ZBTB46: variants seen among roughly 807,000 people sequenced by gnomAD.
The protein encoded by ZBTB46 is zinc finger and BTB domain-containing protein 46.
In ZBTB46, 8 loss-of-function variants were observed where a neutral mutation model predicts 44.1. The observed-to-expected ratio is 0.18, with a 90% confidence interval of 0.11 to 0.33. The LOEUF is 0.33. ZBTB46 is among the 10% of genes least tolerant of loss of function. The pLI, the probability that ZBTB46 is intolerant of heterozygous loss-of-function variation, is 1.00. For synonymous variants in ZBTB46, 409 were observed against 382.3 expected, an observed-to-expected ratio of 1.07 and a Z score of -0.81; for missense variants, 651 against 847.7, an observed-to-expected ratio of 0.77 and a Z score of 2.88.
intron 1 of ZBTB46, among the ~76,000 whole-genome samples, chr20:63,807,211 A>C (rs895057901): frequency 2.0e-5 from 3 of 152,214 alleles, no homozygotes; most frequent in African/African-American, 7.2e-5. Flanking sequence ...CTATTGATTC[A>C]ATTTCTTTAT....
Position 63,752,322 on chromosome 20 carries a change from C to T in ZBTB46, c.1398+364G>A, listed in dbSNP as rs2092175635. On this transcript the variant is annotated intron_variant, in intron 4 of 4. Transcript: ENST00000245663. This position sits in a 1 kb window ranked among gnomAD's most constrained non-coding sequence, Gnocchi z 5.6. ...GGCGCGGTGGGTGCAGACAGGTCGG[C>T]AGGCACAAGGACAGGGTTCTCCCTC... 6.6e-6 allele frequency among the ~76,000 whole-genome samples: 1 copy of T among 151,986 alleles called. No homozygotes were observed. Among genetic ancestry groups the T allele is most frequent in the African/African-American group, 2.4e-5 (1 of 41,348 alleles).
chr20:63,772,926 G>C (rs953658555), intron 3 of ZBTB46, among the ~76,000 whole-genome samples: 3 of 152,164 alleles, frequency 2.0e-5, no homozygotes, highest in African/African-American at 7.2e-5. Context: ...CACGTGCTCC[G>C]GGGCTCGCTT....
Position 63,803,270 on chromosome 20 carries a change from A to G in ZBTB46, c.-33-12480T>C. 1.0e-6 allele frequency: 1 copy of G among 979,370 alleles called. No homozygotes were observed. Among genetic ancestry groups the G allele is most frequent in the Non-Finnish European group, 1.2e-6 (1 of 824,430 alleles). 60.7% of individuals were successfully genotyped at this position (979,370 alleles called of 1,614,324 possible). On this transcript the variant is annotated intron_variant, in intron 1 of 4. Coordinates refer to ENST00000245663, the MANE Select transcript of ZBTB46 (RefSeq NM_001369741.1). The surrounding 1 kb of genome is among the most constrained non-coding windows in gnomAD (Gnocchi z 4.0). ...TTCATGGTTTACCTTCTTCTGAAAA[A>G]ATTAAGGTTAAGACATGAATACTGT...
rs2092068539 is a variant in ZBTB46, at chr20:63,744,423, C to G, written c.*2507G>C. ...CCCCCTCCCCGCCCCCAAATAACAC[C>G]ATCCCCAATGGACTGTATTTCCCAC... is the stretch of plus-strand genomic sequence containing the variant. On this transcript the variant is annotated 3_prime_UTR_variant, in exon 5 of 5. Coordinates refer to ENST00000245663, the MANE Select transcript of ZBTB46 (RefSeq NM_001369741.1). 6.6e-6 allele frequency: 1 copy of G among 152,270 alleles called. No homozygotes were observed. Among genetic ancestry groups the G allele is most frequent in the South Asian group, 2.1e-4 (1 of 4,820 alleles). 9.4% of individuals were successfully genotyped at this position (152,270 alleles called of 1,614,324 possible).
In ZBTB46 at chr20:63,743,679, A is replaced by AATT. The variant is rs1410318487; in HGVS notation, c.*3248_*3250dup. 6.6e-6 allele frequency: 1 copy of AATT among 152,394 alleles called. No individual in the cohort carries two copies. The highest frequency in any genetic ancestry group is 2.4e-5 in the African/African-American group (1 of 41,456). 9.4% of individuals were successfully genotyped at this position (152,394 alleles called of 1,614,324 possible). On this transcript the variant is annotated 3_prime_UTR_variant, in exon 5 of 5. Transcript: ENST00000245663. ...CGCAGGAGGCATCTGCTGGAGCAGC[A>AATT]ATTTCCCAATTTATTGAAAGTGATC...
At chr20:63,807,156 A>G (rs2092686826) in intron 1 of ZBTB46, among the ~76,000 whole-genome samples, 1 of 152,204 alleles carries the variant, frequency 6.6e-6, no homozygotes, top group African/African-American at 2.4e-5. Flanking sequence ...ATACATATAT[A>G]GAGAGAGACA....
intron 4 of ZBTB46, among the ~76,000 whole-genome samples, chr20:63,748,772 C>T (rs928695725): frequency 1.1e-4 from 17 of 152,222 alleles, no homozygotes; most frequent in Non-Finnish European, 2.1e-4. Context: ...TGAGGCTGCA[C>T]GGAGAACTGA....
chr20:63,789,846 C>A lies in ZBTB46; in HGVS notation c.912G>T (p.Gly304=). ...TTGAGTCTCGGCTGCTGAACGGCCA[C>A]CCCGACGTCGGCAGGAAGGACGGCA... ...SPVPSFLPTS[G]WPFSSRDSNA... is the part of the protein sequence containing the mutation. Residue 304 remains glycine, a synonymous_variant, in exon 2 of 5, where the codon GGG becomes GGT. Transcript: ENST00000245663. The A allele has an allele frequency of 6.2e-7, 1 of 1,611,716 alleles. No homozygotes were observed. The highest frequency in any genetic ancestry group is 8.5e-7 in the Non-Finnish European group (1 of 1,179,432).
chr20:63,750,230 C>G (rs1221217789), intron 4 of ZBTB46, among the ~76,000 whole-genome samples: 3 of 152,128 alleles, frequency 2.0e-5, no homozygotes, highest in Admixed American at 2.0e-4. Context: ...AAAAGTCAAG[C>G]CCCATATGCT....
Position 63,747,085 on chromosome 20 carries a change from C to T in ZBTB46, c.1615G>A (p.Glu539Lys). The T allele has an allele frequency of 6.2e-7, 1 of 1,609,438 alleles. No individual in the cohort carries two copies. Among genetic ancestry groups the T allele is most frequent in the Non-Finnish European group, 8.5e-7 (1 of 1,179,508 alleles). Residue 539 changes from glutamate (E) to lysine (K), a missense_variant, in exon 5 of 5, where the codon GAG becomes AAG. Glu to Lys is a moderately conservative substitution (Grantham distance 56, BLOSUM62 1). This residue lies in a region of ZBTB46 where 106 missense variants were observed against 81.0 expected (regional missense o/e 1.31). Coordinates refer to ENST00000245663, the MANE Select transcript of ZBTB46 (RefSeq NM_001369741.1). ...TCCTCCGCCTCCCCTCGTGGGTCCT[C>T]AGGGTCCTCCAGATAGGGCCCGTCG... The part of the protein sequence containing the change: ...PGDGPYLEDP[E>K]DPRGEAEELG...
chr20:63,789,622 A>G lies in ZBTB46; in HGVS notation c.937+199T>C, dbSNP rs79460730. On this transcript the variant is annotated intron_variant, in intron 2 of 4. Transcript: ENST00000245663. ...ATGGGGACAGATACACAGGGTCTCCAAGGGCCCTGGTGATGCCCTGCCCTT... is the reference window on the plus strand; with the variant it reads ...ATGGGGACAGATACACAGGGTCTCCGAGGGCCCTGGTGATGCCCTGCCCTT... Among the ~76,000 whole-genome samples the G allele has an allele frequency of 4.1e-3, 625 of 152,328 alleles. 5 individuals carry two copies. The highest frequency in any genetic ancestry group is 0.014 in the African/African-American group (599 of 41,574).
rs1347709314 is a variant in ZBTB46 at position 63,746,090 on chromosome 20, T to TCAGCAGGAGCGGC, written c.*827_*839dup. 6 of 152,306 alleles carry TCAGCAGGAGCGGC rather than the reference T, an allele frequency of 3.9e-5. No homozygotes were observed. Among genetic ancestry groups the TCAGCAGGAGCGGC allele is most frequent in the Non-Finnish European group, 8.8e-5 (6 of 68,036 alleles). The allele number at this position is 152,306 out of a possible 1,614,324, so 9.4% of individuals were successfully genotyped here. A position where few individuals can be genotyped will look rare whatever the true frequency, so the allele number is the denominator to read the frequency against. On this transcript the variant is annotated 3_prime_UTR_variant, in exon 5 of 5. Coordinates refer to ENST00000245663, the MANE Select transcript of ZBTB46 (RefSeq NM_001369741.1). ...CCAGCTCCAGCCCGTCCAGGAGGGGTCAGCAGGAGCGGCCGGGCTGGGCCA... is the reference window on the plus strand; with the variant it reads ...CCAGCTCCAGCCCGTCCAGGAGGGGTCAGCAGGAGCGGCCAGCAGGAGCGGCCGGGCTGGGCCA...
At chr20:63,818,645 G>A (rs1185398259) in intron 1 of ZBTB46, among the ~76,000 whole-genome samples, 2 of 152,114 alleles carry the variant, frequency 1.3e-5, no homozygotes, top group Non-Finnish European at 2.9e-5. Context: ...CACAAGGTCA[G>A]GAGTTCGAGA....
chr20:63,805,642 C>T (rs942645522), intron 1 of ZBTB46, among the ~76,000 whole-genome samples: 6 of 152,180 alleles, frequency 3.9e-5, no homozygotes, highest in Non-Finnish European at 7.3e-5. Context: ...TGAGTTCCAG[C>T]GCTGGACTCT....
chr20:63,747,744 C>G (rs1393810110), intron 4 of ZBTB46, among the ~76,000 whole-genome samples: 2 of 152,094 alleles, frequency 1.3e-5, no homozygotes, highest in African/African-American at 2.4e-5. Context: ...GATGCTGGCA[C>G]GAGGGCGGCA....
rs192051484 is a variant in ZBTB46, at chr20:63,780,902, G to A, written c.938-4940C>T. On this transcript the variant is annotated intron_variant, in intron 2 of 4. Coordinates refer to ENST00000245663, the MANE Select transcript of ZBTB46 (RefSeq NM_001369741.1). ...TCCCAACATTTTGGGAGGCCAAGGC[G>A]GGTGGATCATGAGGTCAGGAGTTCA... Among the ~76,000 whole-genome samples the A allele has an allele frequency of 2.4e-3, 358 of 151,726 alleles. 1 individual carries two copies. Among genetic ancestry groups the A allele is most frequent in the African/African-American group, 8.2e-3 (341 of 41,346 alleles).
chr20:63,777,469 AAAC>A (rs1188586712), intron 2 of ZBTB46, among the ~76,000 whole-genome samples: 2 of 152,162 alleles, frequency 1.3e-5, no homozygotes, highest in Admixed American at 1.3e-4. Flanking sequence ...CCTATCTCAA[AAAC>A]AACAACAAAA....
intron 1 of ZBTB46, among the ~76,000 whole-genome samples, chr20:63,794,640 TCGTGGG>T (rs2092586654): frequency 1.3e-5 from 2 of 152,232 alleles, no homozygotes; most frequent in African/African-American, 4.8e-5. Flanking sequence ...AGAAATCTGC[TCGTGGG>T]GCCACGTCAA....
At chr20:63,832,865 C>T (rs1489840443), upstream of ZBTB46, among the ~76,000 whole-genome samples, 1 of 152,086 alleles carries the variant, frequency 6.6e-6, no homozygotes. This position sits in a 1 kb window ranked among gnomAD's most constrained non-coding sequence, Gnocchi z 5.0. Flanking sequence ...ACGTGCATCC[C>T]CCTTGGAGAA....
Sources: gnomAD v4.1 joint callset for allele counts (sites outside exome capture counted in the v4.1 genomes callset) on GRCh38, gnomAD v4.1.1 for gene constraint, gnomAD v4.1.1 regional missense constraint, Gnocchi (gnomAD v3.1) non-coding constraint, MANE v1.5 for transcripts, NCBI Gene and HGNC (gene_info 2026-07-23, HGNC 2026-07-21) for gene names.